Variants in SV2C observed in about 807,000 individuals in gnomAD.
The protein encoded by SV2C is synaptic vesicle glycoprotein 2C.
A neutral mutation model predicts 79.7 loss-of-function variants in SV2C; 49 were observed. The ratio of observed to expected loss-of-function variants is 0.61; its 90% confidence interval spans 0.49 to 0.78. The LOEUF (loss-of-function observed/expected upper bound fraction) is 0.78. Among genes scored for constraint, SV2C ranks in the 30% least tolerant of loss-of-function variants. The pLI is 0.00. For missense variants in SV2C, 833 were observed against 912.9 expected, an observed-to-expected ratio of 0.91 and a Z score of 1.13; for synonymous variants, 334 against 333.2, an observed-to-expected ratio of 1.00 and a Z score of -0.03.
intron 1 of SV2C, among the ~76,000 whole-genome samples, chr5:76,119,060 T>C (rs973705786): frequency 3.3e-5 from 5 of 152,178 alleles, no homozygotes; most frequent in African/African-American, 1.2e-4. Context: ...ACTTCCCATA[T>C]GGGTATGCAT....
chr5:76,019,238 G>A, the SV2C span, among the ~76,000 whole-genome samples: 1 of 152,168 alleles, frequency 6.6e-6, no homozygotes, highest in African/African-American at 2.4e-5. Context: ...CAAAGGTACT[G>A]TATTTTCTAG....
At chr5:76,207,287 G>A (rs537377732) in intron 3 of SV2C, among the ~76,000 whole-genome samples, 68 of 152,274 alleles carry the variant, frequency 4.5e-4, no homozygotes, top group South Asian at 2.3e-3. Flanking sequence ...TAGCTATTAA[G>A]AGGATGTCCA....
chr5:76,000,943 C>T, the SV2C span, among the ~76,000 whole-genome samples: 1 of 151,768 alleles, frequency 6.6e-6, no homozygotes, highest in Non-Finnish European at 1.5e-5. Context: ...TTTCTTCACA[C>T]CAGGCTAAGA....
the SV2C span, among the ~76,000 whole-genome samples, chr5:75,984,098 T>C: frequency 2.6e-5 from 4 of 151,898 alleles, no homozygotes; most frequent in African/African-American, 9.7e-5. Context: ...ATCGAACCCC[T>C]CCTAAACTGC....
At chr5:76,028,625 A>G in the SV2C span, among the ~76,000 whole-genome samples, 1 of 152,212 alleles carries the variant, frequency 6.6e-6, no homozygotes, top group Non-Finnish European at 1.5e-5. Flanking sequence ...AATCTGGAAG[A>G]TGCAGTATTG....
chr5:76,215,993 A>T (rs1223712661), intron 4 of SV2C, among the ~76,000 whole-genome samples: 1 of 149,988 alleles, frequency 6.7e-6, no homozygotes, highest in Non-Finnish European at 1.5e-5. Flanking sequence ...GATGCAAAGT[A>T]GACCTTGAGT....
At position 76,301,409 on chromosome 5, in the gene SV2C, A is replaced by G; in HGVS notation, c.1864A>G (p.Ile622Val). The G allele has an allele frequency of 6.2e-7, 1 of 1,613,986 alleles. No homozygotes were observed. The highest frequency in any genetic ancestry group is 8.5e-7 in the Non-Finnish European group (1 of 1,179,980). The change falls in exon 12 of 13, where the codon ATC becomes GTC. Residue 622 changes from isoleucine (I) to valine (V), a missense_variant. Transcript: ENST00000502798. The part of the protein sequence containing the change: ...MLGGSMVLSG[I>V]SCFFLWFGTS... ...AGGTGGCTCTATGGTGCTTTCGGGG[A>G]TCAGCTGTTTCTTCCTTTGGTTCGG...
At chr5:76,217,025 C>T (rs1342573580) in intron 4 of SV2C, among the ~76,000 whole-genome samples, 1 of 152,212 alleles carries the variant, frequency 6.6e-6, no homozygotes, top group Admixed American at 6.5e-5. Flanking sequence ...CAAAGGTGTT[C>T]AATTAGCTAA....
At chr5:76,111,660 G>A (rs1748101702) in intron 1 of SV2C, among the ~76,000 whole-genome samples, 1 of 151,982 alleles carries the variant, frequency 6.6e-6, no homozygotes, top group Non-Finnish European at 1.5e-5. Context: ...AAGCTAATTT[G>A]CCCCCCCAGG....
At chr5:76,228,058 C>T (rs550979335) in intron 4 of SV2C, among the ~76,000 whole-genome samples, 1 of 152,148 alleles carries the variant, frequency 6.6e-6, no homozygotes, top group African/African-American at 2.4e-5. Flanking sequence ...CTATCTCTCT[C>T]TCTCTCTCTC....
the SV2C span, among the ~76,000 whole-genome samples, chr5:76,022,145 T>C: frequency 6.6e-6 from 1 of 152,212 alleles, no homozygotes; most frequent in Non-Finnish European, 1.5e-5. Context: ...GCCTAATGCC[T>C]CACAGCGGCA....
chr5:76,338,197 G>A (rs556447456), downstream of SV2C, among the ~76,000 whole-genome samples: 53 of 152,344 alleles, frequency 3.5e-4, no homozygotes, highest in South Asian at 6.2e-3. Context: ...GGAACTCCCT[G>A]GGGCCAGAAT....
At chr5:76,141,549 C>T (rs565726153) in intron 2 of SV2C, among the ~76,000 whole-genome samples, 3 of 152,174 alleles carry the variant, frequency 2.0e-5, no homozygotes, top group Admixed American at 6.5e-5. Flanking sequence ...TGAAGCCAGG[C>T]GCGGTGGCTC....
chr5:76,240,066 G>A (rs1745735286), intron 4 of SV2C, among the ~76,000 whole-genome samples: 1 of 152,002 alleles, frequency 6.6e-6, no homozygotes, highest in African/African-American at 2.4e-5. Context: ...ATCAAATATT[G>A]TGCCCTTTTT....
chr5:76,225,858 G>A (rs1226427370), intron 4 of SV2C, among the ~76,000 whole-genome samples: 1 of 152,150 alleles, frequency 6.6e-6, no homozygotes, highest in Non-Finnish European at 1.5e-5. Context: ...CTTGATGAGA[G>A]TATAACACTA....
At chr5:76,016,905 T>C in the SV2C span, among the ~76,000 whole-genome samples, 1 of 152,240 alleles carries the variant, frequency 6.6e-6, no homozygotes, top group African/African-American at 2.4e-5. Flanking sequence ...CAGGCAAAGG[T>C]GGTGCATGTC....
the SV2C span, among the ~76,000 whole-genome samples, chr5:75,848,410 G>T: frequency 6.6e-6 from 1 of 152,140 alleles, no homozygotes; most frequent in African/African-American, 2.4e-5. Flanking sequence ...GCTCCCAAAG[G>T]CTTCCTTAGG....
At position 76,323,895 on chromosome 5, in the gene SV2C, G is replaced by C. The variant is rs577133894; in HGVS notation, c.2001-1469G>C. Among the ~76,000 whole-genome samples, 5 of 152,288 alleles carry C rather than the reference G, an allele frequency of 3.3e-5. No individual in the cohort carries two copies. The South Asian group carries it at 1.0e-3, about 32-fold the overall frequency. ...CACACCAGGGCCTGTTTAGGGGATGGGGAGTGAGGGGAGGGAACTTAGAGG... is the reference window on the plus strand; with the variant it reads ...CACACCAGGGCCTGTTTAGGGGATGCGGAGTGAGGGGAGGGAACTTAGAGG... On this transcript the variant is annotated intron_variant, in intron 12 of 12. Coordinates refer to ENST00000502798, the MANE Select transcript of SV2C (RefSeq NM_014979.4).
the SV2C span, among the ~76,000 whole-genome samples, chr5:75,994,317 G>A: frequency 6.6e-6 from 1 of 152,040 alleles, no homozygotes; most frequent in South Asian, 2.1e-4. Context: ...TACACAAAAG[G>A]CAGAGAAAGC....
Sources: allele counts gnomAD v4.1 joint callset (sites outside exome capture counted in the v4.1 genomes callset), GRCh38; gene constraint gnomAD v4.1.1; transcripts MANE v1.5; gene names NCBI Gene and HGNC (gene_info 2026-07-23, HGNC 2026-07-21).